Variants in TMEM167A observed in about 807,000 individuals in gnomAD.
TMEM167A encodes protein kish-A.
TMEM167A carries 8 observed loss-of-function variants against 11.6 expected under a neutral mutation model. The observed-to-expected ratio is 0.69, with a 90% CI of 0.40 to 1.24. TMEM167A has a LOEUF of 1.24. TMEM167A is among the 50% of genes most tolerant of loss of function. The pLI, the probability that TMEM167A is intolerant of heterozygous loss-of-function variation, is 0.01. For synonymous variants in TMEM167A, 22 were observed against 28.0 expected (o/e 0.79, Z 0.67); for missense variants, 62 against 87.0 (o/e 0.71, Z 1.14).
chr5:83,066,476 T>C (rs1260986630), intron 1 of TMEM167A, among the ~76,000 whole-genome samples: 1 of 152,164 alleles, frequency 6.6e-6, no homozygotes, highest in Non-Finnish European at 1.5e-5. Flanking sequence ...ATAGCCTTCA[T>C]AATCATATTA....
chr5:83,067,976 G>A (rs890043516), intron 1 of TMEM167A, among the ~76,000 whole-genome samples: 1 of 132,812 alleles, frequency 7.5e-6, no homozygotes, highest in Non-Finnish European at 1.8e-5. Context: ...TGTATCTTGG[G>A]TTTTAATTAA....
At chr5:83,064,141 A>G (rs1580174956) in intron 2 of TMEM167A, 4 of 427,068 alleles carry the variant, frequency 9.4e-6, no homozygotes, top group South Asian at 5.3e-5. Flanking sequence ...AAAAGCTTTC[A>G]AACAGTTGAC....
chr5:83,077,394 T>G lies in TMEM167A; in HGVS notation c.-71A>C. The G allele has an allele frequency of 6.2e-7, 1 of 1,611,830 alleles. No homozygotes were observed. Among genetic ancestry groups the G allele is most frequent in the Non-Finnish European group, 8.5e-7 (1 of 1,178,024 alleles). The stretch of plus-strand genomic sequence containing the variant: ...GGCGGAAGAGGCTGCATGTCCCGTC[T>G]GCCCTTCTCGCCCTCTCCAGCCGTC... On this transcript the variant is annotated 5_prime_UTR_variant, in exon 1 of 4. Transcript: ENST00000502346.
chr5:83,073,986 C>T (rs1163604354), intron 1 of TMEM167A, among the ~76,000 whole-genome samples: 1 of 152,214 alleles, frequency 6.6e-6, no homozygotes, highest in Non-Finnish European at 1.5e-5. Flanking sequence ...AGATTCTAAT[C>T]TTCCTCCATT....
chr5:83,064,820 T>C (rs114152711), intron 2 of TMEM167A, among the ~76,000 whole-genome samples, 188 bp downstream of exon 2: 322 of 152,234 alleles, frequency 2.1e-3, no homozygotes, highest in African/African-American at 7.3e-3. Flanking sequence ...ACTTCTGAAA[T>C]TTACCTTTTA....
intron 1 of TMEM167A, among the ~76,000 whole-genome samples, chr5:83,074,402 C>G (rs1580179340): frequency 6.6e-6 from 1 of 152,308 alleles, no homozygotes; most frequent in South Asian, 2.1e-4. Flanking sequence ...ACTACTCCTT[C>G]CACTGTGTTT....
In TMEM167A at chr5:83,064,991, C is replaced by T. The variant is rs1744461235; in HGVS notation, c.113+17G>A. On this transcript the variant is annotated intron_variant, in intron 2 of 3. Coordinates refer to ENST00000502346, the MANE Select transcript of TMEM167A (RefSeq NM_174909.5). The stretch of plus-strand genomic sequence containing the variant: ...GTAAGAACTAATTTGGGTGATTAGA[C>T]ATCATTAGTAACATACCCAGTTTTA... 4 of 1,455,150 alleles carry T rather than the reference C, an allele frequency of 2.7e-6. No individual in the cohort carries two copies. Among genetic ancestry groups the T allele is most frequent in the South Asian group, 2.4e-5 (2 of 83,586 alleles). 90.1% of individuals were successfully genotyped at this position (1,455,150 alleles called of 1,614,324 possible). A position where few individuals can be genotyped will look rare whatever the true frequency, so the allele number is the denominator to read the frequency against.
Position 83,065,071 on chromosome 5 carries a change from A to G in TMEM167A, c.50T>C (p.Leu17Pro). ...TCGAATATAAGCACAGGTACATATA[A>G]GCAGCAAGATTACAGTCAATAGACT... ...FQSLLTVILL[L>P]ICTCAYIRSL... The change falls in exon 2 of 4, where the codon CTT (leucine) becomes CCT (proline). Residue 17 changes from leucine to proline, a missense_variant. Coordinates refer to ENST00000502346, the MANE Select transcript of TMEM167A (RefSeq NM_174909.5). 1 of 1,606,976 alleles carries G rather than the reference A, an allele frequency of 6.2e-7. No individual in the cohort carries two copies.
rs1335735992 is a variant in TMEM167A, at chr5:83,052,933, A to G, written c.*4151T>C. ...TGATTCTCTGTACTCTTAAAATCACAGGAAATATAATTCCACCTCCCCCTT... is the reference window on the plus strand; with the variant it reads ...TGATTCTCTGTACTCTTAAAATCACGGGAAATATAATTCCACCTCCCCCTT... On this transcript the variant is annotated 3_prime_UTR_variant, in exon 4 of 4. Transcript: ENST00000502346. 1 of 151,982 alleles carries G rather than the reference A, an allele frequency of 6.6e-6. No individual in the cohort carries two copies. Among genetic ancestry groups the G allele is most frequent in the Non-Finnish European group, 1.5e-5 (1 of 67,934 alleles). 9.4% of individuals were successfully genotyped at this position (151,982 alleles called of 1,614,324 possible). A position where few individuals can be genotyped will look rare whatever the true frequency, so the allele number is the denominator to read the frequency against.
chr5:83,057,208 A>G, intron 3 of TMEM167A, 54 bp from the exon 4 acceptor site: 1 of 1,514,290 alleles, frequency 6.6e-7, no homozygotes, highest in South Asian at 1.1e-5. Flanking sequence ...TAACCTGGCT[A>G]TGACAAGGTT....
chr5:83,073,833 G>A lies in TMEM167A; in HGVS notation c.3+3488C>T, dbSNP rs144751072. Among the ~76,000 whole-genome samples, 139 of 152,320 alleles carry A rather than the reference G, an allele frequency of 9.1e-4. No homozygotes were observed. In the Middle Eastern group the frequency reaches 0.027, roughly 30 times the overall value. On this transcript the variant is annotated intron_variant, in intron 1 of 3. Transcript: ENST00000502346. ...CATCCAATAAATCATCCAAGCTGGA[G>A]CTGTGCTTCATCACCCTTCATTAAG...
chr5:83,060,494 T>C (rs1199182382), intron 3 of TMEM167A, among the ~76,000 whole-genome samples: 1 of 151,978 alleles, frequency 6.6e-6, no homozygotes, highest in African/African-American at 2.4e-5. Context: ...TTTTTTTTTT[T>C]TTAATTAAAA....
chr5:83,066,727 G>A (rs1413402314), intron 1 of TMEM167A, among the ~76,000 whole-genome samples: 1 of 152,168 alleles, frequency 6.6e-6, no homozygotes, highest in Non-Finnish European at 1.5e-5. Context: ...GTTGGGAAGT[G>A]GGGCCTAGTG....
At chr5:83,076,136 T>C (rs928750119) in intron 1 of TMEM167A, among the ~76,000 whole-genome samples, 7 of 152,238 alleles carry the variant, frequency 4.6e-5, no homozygotes, top group Non-Finnish European at 7.3e-5. Context: ...TACAATCTAC[T>C]AGGTGTGATC....
chr5:83,060,546 G>A (rs1389175266), intron 3 of TMEM167A, among the ~76,000 whole-genome samples: 1 of 151,014 alleles, frequency 6.6e-6, no homozygotes, highest in Non-Finnish European at 1.5e-5. Context: ...GAATACTGAT[G>A]AATGGCTGGG....
intron 1 of TMEM167A, among the ~76,000 whole-genome samples, chr5:83,076,337 G>A (rs898416158): frequency 6.6e-6 from 1 of 152,212 alleles, no homozygotes; most frequent in Non-Finnish European, 1.5e-5. Context: ...TTTATATACT[G>A]TTGATCTTAA....
rs1389210071 is a variant in TMEM167A, at chr5:83,054,356, T to C, written c.*2728A>G. ...TTGCTTGAAAAGACAACGCCCTTCCTATTAGCACAGCTGAAGCCAATCCAG... is the reference window on the plus strand; with the variant it reads ...TTGCTTGAAAAGACAACGCCCTTCCCATTAGCACAGCTGAAGCCAATCCAG... On this transcript the variant is annotated 3_prime_UTR_variant, in exon 4 of 4. Transcript: ENST00000502346. The C allele has an allele frequency of 1.3e-5, 2 of 151,196 alleles. No individual in the cohort carries two copies. The highest frequency in any genetic ancestry group is 2.5e-5 in the African/African-American group (1 of 40,646). The allele number at this position is 151,196 out of a possible 1,614,324, so 9.4% of individuals were successfully genotyped here.
At chr5:83,074,682 G>T (rs982179327) in intron 1 of TMEM167A, among the ~76,000 whole-genome samples, 1 of 152,184 alleles carries the variant, frequency 6.6e-6, no homozygotes, top group Non-Finnish European at 1.5e-5. Flanking sequence ...CTACAACATA[G>T]CAGACAACAG....
chr5:83,064,483 G>A lies in TMEM167A; in HGVS notation c.113+525C>T, dbSNP rs191830197. 1.8e-5 allele frequency: 7 copies of A among 398,776 alleles called. No homozygotes were observed. In the East Asian group the frequency reaches 5.1e-4, roughly 29 times the overall value. 24.7% of individuals were successfully genotyped at this position (398,776 alleles called of 1,614,324 possible). A position where few individuals can be genotyped will look rare whatever the true frequency, so the allele number is the denominator to read the frequency against. On this transcript the variant is annotated intron_variant, in intron 2 of 3. Coordinates refer to ENST00000502346, the MANE Select transcript of TMEM167A (RefSeq NM_174909.5). ...AGAATTCCAATAAAGTCATCAATAG[G>A]AATAAGTGTTTACTAGAGTCTACCA...
Sources: gnomAD v4.1 joint callset for allele counts (sites outside exome capture counted in the v4.1 genomes callset) on GRCh38, gnomAD v4.1.1 for gene constraint, MANE v1.5 for transcripts, NCBI Gene and HGNC (gene_info 2026-07-23, HGNC 2026-07-21) for gene names.